ROCK2: variants seen among roughly 807,000 people sequenced by gnomAD.
ROCK2 encodes rho-associated protein kinase 2.
Under a neutral mutation model 195.1 loss-of-function variants are expected in ROCK2, and 61 were observed. The ratio of observed to expected loss-of-function variants is 0.31; its 90% confidence interval spans 0.25 to 0.39. The LOEUF (loss-of-function observed/expected upper bound fraction) is 0.39, where lower values mean the gene tolerates loss of function less well. ROCK2 is among the 10% of genes least tolerant of loss of function. The pLI is 1.00. For missense variants in ROCK2, 1,109 were observed against 1,637.4 expected (o/e 0.68, Z 5.57); for synonymous variants, 504 against 545.5 (o/e 0.92, Z 1.06).
intron 4 of ROCK2, among the ~76,000 whole-genome samples, chr2:11,245,300 T>C (rs1665574989): frequency 6.6e-6 from 1 of 150,686 alleles, no homozygotes; most frequent in South Asian, 2.1e-4. Flanking sequence ...GCTTAATGTA[T>C]AAGGAATATA....
intron 4 of ROCK2, among the ~76,000 whole-genome samples, chr2:11,248,708 C>CCAAAA (rs1665713491): frequency 2.2e-5 from 1 of 45,412 alleles, no homozygotes; most frequent in African/African-American, 1.4e-4. Flanking sequence ...GACTTCATCT[C>CCAAAA]AAAAAAAAAA....
chr2:11,296,008 GAGAGA>G (rs1558369904), intron 1 of ROCK2, among the ~76,000 whole-genome samples: 8 of 95,658 alleles, frequency 8.4e-5, no homozygotes, highest in African/African-American at 3.4e-4. Context: ...AGAGAGAGGA[GAGAGA>G]GAGAGAGAGA....
chr2:11,269,012 TCTTC>T, intron 3 of ROCK2, among the ~76,000 whole-genome samples: 1 of 152,244 alleles, frequency 6.6e-6, no homozygotes, highest in East Asian at 1.9e-4. Context: ...GTTTGCTGAT[TCTTC>T]TGCCGGCTCA....
chr2:11,205,428 C>A (rs1664014045), intron 20 of ROCK2, among the ~76,000 whole-genome samples: 2 of 152,162 alleles, frequency 1.3e-5, no homozygotes, highest in Admixed American at 1.3e-4. Flanking sequence ...CACTAGAGAA[C>A]CTTCTTGCCC....
chr2:11,205,589 T>C (rs983280723), intron 20 of ROCK2, among the ~76,000 whole-genome samples: 1 of 148,830 alleles, frequency 6.7e-6, no homozygotes, highest in African/African-American at 2.5e-5. Flanking sequence ...TAAATTCCCA[T>C]TGCATGTATT....
At chr2:11,294,046 A>C (rs1667438113) in intron 1 of ROCK2, among the ~76,000 whole-genome samples, 1 of 152,080 alleles carries the variant, frequency 6.6e-6, no homozygotes, top group South Asian at 2.1e-4. Flanking sequence ...AGTCCCAGCT[A>C]CTTGGAAGGC....
chr2:11,222,661 T>C (rs1194126143), intron 7 of ROCK2, among the ~76,000 whole-genome samples: 1 of 152,162 alleles, frequency 6.6e-6, no homozygotes. Flanking sequence ...TCTCTACATG[T>C]ATATTAAACT....
intron 32 of ROCK2, among the ~76,000 whole-genome samples, chr2:11,188,005 G>C (rs1663259651): frequency 6.6e-6 from 1 of 150,604 alleles, no homozygotes; most frequent in African/African-American, 2.5e-5. Flanking sequence ...TTACATTTTT[G>C]CTTTATACTT....
At position 11,188,913 on chromosome 2, in the gene ROCK2, G is replaced by A. The variant is rs1001569545; in HGVS notation, c.4163+3235C>T. ...TGCTAATTTTGTAGGGTGCATGTCT[G>A]TAATCCCAACTACCCAGAAGGCTGA... On this transcript the variant is annotated intron_variant, in intron 32 of 32. Transcript: ENST00000315872. Among the ~76,000 whole-genome samples the A allele has an allele frequency of 2.6e-5, 4 of 151,278 alleles. No individual in the cohort carries two copies. The South Asian group carries it at 8.5e-4, about 32-fold the overall frequency.
intron 1 of ROCK2, among the ~76,000 whole-genome samples, chr2:11,343,097 A>C (rs1162460567): frequency 6.6e-6 from 1 of 152,178 alleles, no homozygotes; most frequent in Non-Finnish European, 1.5e-5. Flanking sequence ...TCAATTTAAT[A>C]CACAGAGTAT....
At chr2:11,267,914 T>G (rs1449464390) in intron 3 of ROCK2, among the ~76,000 whole-genome samples, 1 of 151,946 alleles carries the variant, frequency 6.6e-6, no homozygotes, top group East Asian at 1.9e-4. Flanking sequence ...CCCAAAATGC[T>G]GGGATTACAG....
At chr2:11,278,461 CATT>C in intron 3 of ROCK2, among the ~76,000 whole-genome samples, 1 of 152,190 alleles carries the variant, frequency 6.6e-6, no homozygotes, top group Admixed American at 6.5e-5. Context: ...TTTCTTTATC[CATT>C]GTTAGACACT....
chr2:11,322,663 C>T (rs1206121862), intron 1 of ROCK2, among the ~76,000 whole-genome samples: 1 of 152,104 alleles, frequency 6.6e-6, no homozygotes, highest in Non-Finnish European at 1.5e-5. Flanking sequence ...TGACAATAAG[C>T]TTTATCTTCC....
chr2:11,189,333 G>A (rs72785476), intron 32 of ROCK2, among the ~76,000 whole-genome samples: 6,460 of 152,156 alleles, frequency 0.042, 275 homozygotes, highest in Non-Finnish European at 0.06. Flanking sequence ...TGTTTTCTTG[G>A]ATGACCCTTT....
chr2:11,336,735 T>C (rs1280113744), intron 1 of ROCK2, among the ~76,000 whole-genome samples: 9 of 152,134 alleles, frequency 5.9e-5, no homozygotes, highest in Non-Finnish European at 1.3e-4. Flanking sequence ...CAGGATAGTC[T>C]GGATAACTGG....
chr2:11,215,279 A>C, intron 15 of ROCK2, 42 bp downstream of exon 15: 1 of 1,495,184 alleles, frequency 6.7e-7, no homozygotes, highest in Non-Finnish European at 9.1e-7. Context: ...ATCGCGTTAA[A>C]AATAAAACCC....
chr2:11,340,942 T>C (rs1669085085), intron 1 of ROCK2, among the ~76,000 whole-genome samples: 1 of 152,104 alleles, frequency 6.6e-6, no homozygotes. Flanking sequence ...TAGAAAAATA[T>C]CTCTTCAGCA....
At position 11,179,806 on chromosome 2, in the gene ROCK2, AAGC is replaced by A. The variant is rs746893476; in HGVS notation, c.*3628_*3630del. ...TATTTTATTTTATTTTTTTATAAAA[AAGC>A]AGGCATAAAATACAATTACATTACT... On this transcript the variant is annotated 3_prime_UTR_variant, in exon 33 of 33. Transcript: ENST00000315872. 2 of 152,208 alleles carry A rather than the reference AAGC, an allele frequency of 1.3e-5. No homozygotes were observed. The highest frequency in any genetic ancestry group is 2.9e-5 in the Non-Finnish European group (2 of 68,046). The allele number at this position is 152,208 out of a possible 1,614,324, so 9.4% of individuals were successfully genotyped here.
rs1663064494 is a variant in ROCK2 at position 11,183,021 on chromosome 2, A to G, written c.*416T>C. 1 of 158,398 alleles carries G rather than the reference A, an allele frequency of 6.3e-6. No homozygotes were observed. Among genetic ancestry groups the G allele is most frequent in the East Asian group, 1.8e-4 (1 of 5,408 alleles). 9.8% of individuals were successfully genotyped at this position (158,398 alleles called of 1,614,324 possible). ...ACAGTATAATGGTCACTTCTTAAAG[A>G]TGCAGTCAATATCACTGTAGTGGAA... On this transcript the variant is annotated 3_prime_UTR_variant, in exon 33 of 33. Coordinates refer to ENST00000315872, the MANE Select transcript of ROCK2 (RefSeq NM_004850.5).
Sources: allele counts gnomAD v4.1 joint callset (sites outside exome capture counted in the v4.1 genomes callset), GRCh38; gene constraint gnomAD v4.1.1; transcripts MANE v1.5; gene names NCBI Gene and HGNC (gene_info 2026-07-23, HGNC 2026-07-21).